KIAA1328: variants seen among roughly 807,000 people sequenced by gnomAD.
The protein encoded by KIAA1328 is KIAA1328, also known as protein hinderin.
A neutral mutation model predicts 68.1 loss-of-function variants in KIAA1328; 52 were observed. The ratio of observed to expected loss-of-function variants is 0.76; its 90% confidence interval spans 0.61 to 0.96. The LOEUF is 0.96. KIAA1328 is among the 40% of genes least tolerant of loss of function. The probability of loss-of-function intolerance (pLI) is 0.00; values close to 1 mark genes in which losing one functional copy is unlikely to be tolerated. For missense variants in KIAA1328, 641 were observed against 677.6 expected (o/e 0.95, Z 0.60); for synonymous variants, 232 against 239.4 (o/e 0.97, Z 0.28).
intron 5 of KIAA1328, among the ~76,000 whole-genome samples, chr18:36,948,700 C>T (rs2051013163): frequency 1.3e-5 from 2 of 152,120 alleles, no homozygotes; most frequent in Non-Finnish European, 2.9e-5. Flanking sequence ...CAGGCATGCG[C>T]CACCACGCCC....
chr18:37,102,706 A>C lies in KIAA1328; in HGVS notation c.1232+35161A>C, dbSNP rs572436570. ...CTCACTTTCACCTCTCATATTCAAC[A>C]TAGTACTGGAAGTGCTAGCCAGACC... is the stretch of plus-strand genomic sequence containing the variant. On this transcript the variant is annotated intron_variant, in intron 7 of 9. Coordinates refer to ENST00000280020, the MANE Select transcript of KIAA1328 (RefSeq NM_020776.3). Among the ~76,000 whole-genome samples, 4 of 152,310 alleles carry C rather than the reference A, an allele frequency of 2.6e-5. No individual in the cohort carries two copies. The South Asian group carries it at 6.2e-4, about 24-fold the overall frequency.
intron 6 of KIAA1328, among the ~76,000 whole-genome samples, chr18:36,998,671 A>T (rs2053483056): frequency 6.6e-6 from 1 of 152,122 alleles, no homozygotes; most frequent in African/African-American, 2.4e-5. Flanking sequence ...TACCACTAAC[A>T]CCATTTACAG....
chr18:37,002,429 A>C (rs548729915), intron 6 of KIAA1328, among the ~76,000 whole-genome samples: 2 of 151,512 alleles, frequency 1.3e-5, no homozygotes, highest in Non-Finnish European at 2.9e-5. Context: ...TGTGTTGCTC[A>C]GGCTGGTCTC....
intron 6 of KIAA1328, among the ~76,000 whole-genome samples, chr18:36,969,685 A>C (rs1281980022): frequency 6.6e-6 from 1 of 152,234 alleles, no homozygotes; most frequent in Non-Finnish European, 1.5e-5. Flanking sequence ...ATAAATTCAC[A>C]GCCAAATTCT....
intron 6 of KIAA1328, among the ~76,000 whole-genome samples, chr18:37,055,533 G>A (rs181146295): frequency 6.6e-6 from 1 of 152,288 alleles, no homozygotes; most frequent in East Asian, 1.9e-4. Flanking sequence ...ATTTATTTGG[G>A]ATGAGACTTT....
At chr18:37,076,360 A>G (rs1192483157) in intron 7 of KIAA1328, among the ~76,000 whole-genome samples, 1 of 152,102 alleles carries the variant, frequency 6.6e-6, no homozygotes, top group Non-Finnish European at 1.5e-5. Flanking sequence ...TTATAGCACT[A>G]AATGCCCACA....
intron 7 of KIAA1328, among the ~76,000 whole-genome samples, chr18:37,083,910 T>A (rs2057023003): frequency 6.6e-6 from 1 of 152,220 alleles, no homozygotes; most frequent in African/African-American, 2.4e-5. Flanking sequence ...ACCAACTTAA[T>A]CTTCCCTACC....
intron 5 of KIAA1328, among the ~76,000 whole-genome samples, chr18:36,938,601 A>G (rs1047851614): frequency 3.3e-5 from 5 of 152,110 alleles, no homozygotes; most frequent in African/African-American, 4.8e-5. Flanking sequence ...ATGTAATCCC[A>G]TTTGTCTATC....
intron 7 of KIAA1328, among the ~76,000 whole-genome samples, chr18:37,122,756 G>A (rs972489637): frequency 6.6e-6 from 1 of 152,080 alleles, no homozygotes; most frequent in African/African-American, 2.4e-5. Context: ...TATAGTACGG[G>A]AGGTGAGGAA....
At chr18:37,160,621 T>C (rs555552480) in intron 8 of KIAA1328, among the ~76,000 whole-genome samples, 2 of 152,314 alleles carry the variant, frequency 1.3e-5, no homozygotes, top group East Asian at 3.9e-4. Context: ...AAGCAATAAC[T>C]GTTAAGAATT....
chr18:37,173,020 A>T lies in KIAA1328; in HGVS notation c.1462A>T (p.Thr488Ser). ...AGATGCGTCTACATCTCCTATGCCA[A>T]CAGGAAGCCTAAAGGATTTTGTCAC... The part of the protein sequence containing the change: ...RKDASTSPMP[T>S]GSLKDFVTTA... Residue 488 changes from threonine to serine, a missense_variant, in exon 9 of 10, where the codon ACA becomes TCA. By Grantham distance (58) the Thr-to-Ser change is moderately conservative. Coordinates refer to ENST00000280020, the MANE Select transcript of KIAA1328 (RefSeq NM_020776.3). 6.2e-7 allele frequency: 1 copy of T among 1,613,778 alleles called. No homozygotes were observed. Among genetic ancestry groups the T allele is most frequent in the Non-Finnish European group, 8.5e-7 (1 of 1,179,742 alleles).
At chr18:37,055,311 C>T (rs2151683691) in intron 6 of KIAA1328, among the ~76,000 whole-genome samples, 1 of 152,232 alleles carries the variant, frequency 6.6e-6, no homozygotes, top group African/African-American at 2.4e-5. Flanking sequence ...TGGATGATGC[C>T]AGGAGCATGC....
At chr18:36,860,407 T>C (rs969307335) in intron 4 of KIAA1328, among the ~76,000 whole-genome samples, 4 of 152,160 alleles carry the variant, frequency 2.6e-5, no homozygotes, top group East Asian at 3.8e-4. Context: ...CAATTTTGCC[T>C]TGTGTGTTTG....
At chr18:36,986,283 C>T (rs1390569085) in intron 6 of KIAA1328, among the ~76,000 whole-genome samples, 1 of 151,970 alleles carries the variant, frequency 6.6e-6, no homozygotes, top group Non-Finnish European at 1.5e-5. Flanking sequence ...CTGATACGTT[C>T]AGTAACATGA....
intron 5 of KIAA1328, among the ~76,000 whole-genome samples, chr18:36,890,595 T>C (rs2048653390): frequency 6.6e-6 from 1 of 152,098 alleles, no homozygotes; most frequent in Admixed American, 6.6e-5. Context: ...CGCTTGAACC[T>C]GGGAGGCAGA....
chr18:36,915,695 A>G (rs1953575634), intron 5 of KIAA1328, among the ~76,000 whole-genome samples: 1 of 152,182 alleles, frequency 6.6e-6, no homozygotes, highest in Admixed American at 6.5e-5. Context: ...ACTGTCAGGG[A>G]TGCAGGGGAA....
At chr18:36,986,440 C>G (rs1218298927) in intron 6 of KIAA1328, among the ~76,000 whole-genome samples, 1 of 141,634 alleles carries the variant, frequency 7.1e-6, no homozygotes, top group Non-Finnish European at 1.5e-5. Flanking sequence ...ACTTCATGTC[C>G]AAAACACCAA....
chr18:37,169,865 A>C (rs2059467006), intron 8 of KIAA1328, among the ~76,000 whole-genome samples: 2 of 152,248 alleles, frequency 1.3e-5, no homozygotes, highest in African/African-American at 4.8e-5. Flanking sequence ...GTATCTGTAC[A>C]TTCCTGAAGT....
At chr18:36,856,396 A>T (rs535815367) in intron 4 of KIAA1328, among the ~76,000 whole-genome samples, 15 of 152,132 alleles carry the variant, frequency 9.9e-5, no homozygotes, top group African/African-American at 2.9e-4. Flanking sequence ...GAATAATTTC[A>T]ATTGTCCCAC....
Sources: gnomAD v4.1 joint callset for allele counts (sites outside exome capture counted in the v4.1 genomes callset) on GRCh38, gnomAD v4.1.1 for gene constraint, MANE v1.5 for transcripts, NCBI Gene and HGNC (gene_info 2026-07-23, HGNC 2026-07-21) for gene names.